TBC1D30: variants seen among roughly 807,000 people sequenced by gnomAD.
TBC1D30 encodes the protein TBC1 domain family member 30.
Under a neutral mutation model 63.2 loss-of-function variants are expected in TBC1D30, and 31 were observed. The observed-to-expected ratio is 0.49, with a 90% CI of 0.37 to 0.66. The LOEUF is 0.66. Ranked by LOEUF, TBC1D30 falls within the 30% of genes least tolerant of loss-of-function variation. The pLI, the probability that TBC1D30 is intolerant of heterozygous loss-of-function variation, is 0.00. For missense variants in TBC1D30, 810 were observed against 953.6 expected, an observed-to-expected ratio of 0.85 and a Z score of 1.98; for synonymous variants, 307 against 361.5, an observed-to-expected ratio of 0.85 and a Z score of 1.71.
chr12:64,790,533 T>C (rs1871857226), intron 2 of TBC1D30, among the ~76,000 whole-genome samples: 1 of 152,194 alleles, frequency 6.6e-6, no homozygotes, highest in Non-Finnish European at 1.5e-5. Flanking sequence ...TGATAAAATC[T>C]AGCTGTCACT....
In TBC1D30 at chr12:64,875,488, C is replaced by T. The variant is rs747056702; in HGVS notation, c.1986C>T (p.Asn662=). 87 of 1,536,030 alleles carry T rather than the reference C, an allele frequency of 5.7e-5. No homozygotes were observed. The African/African-American group carries it at 9.4e-4, about 17-fold the overall frequency. The stretch of plus-strand genomic sequence containing the variant: ...CGAAGTTGGGAGCCCTGGAACTGAA[C>T]CAGAGGGATGCTGCAGCTGAAACTG... ...VQAKLGALEL[N]QRDAAAETEL... The change falls in exon 12 of 12, where the codon AAC becomes AAT. Residue 662 remains asparagine, a synonymous_variant. Transcript: ENST00000539867.
chr12:64,875,912 C>A lies in TBC1D30; in HGVS notation c.*124C>A. 9.7e-7 allele frequency: 1 copy of A among 1,030,260 alleles called. No homozygotes were observed. The highest frequency in any genetic ancestry group is 1.3e-6 in the Non-Finnish European group (1 of 746,014). The allele number at this position is 1,030,260 out of a possible 1,614,324, so 63.8% of individuals were successfully genotyped here. Reference sequence around the variant, plus strand: ...GAATAGGTTCAGGGATGAGCAACAGCCCATAAAAAATGGGAACTGGAAGTT... The same window carrying A: ...GAATAGGTTCAGGGATGAGCAACAGACCATAAAAAATGGGAACTGGAAGTT... On this transcript the variant is annotated 3_prime_UTR_variant, in exon 12 of 12. Coordinates refer to ENST00000539867, the MANE Select transcript of TBC1D30 (RefSeq NM_015279.2).
chr12:64,804,819 G>T (rs1592567502), intron 2 of TBC1D30, among the ~76,000 whole-genome samples: 1 of 152,164 alleles, frequency 6.6e-6, no homozygotes, highest in Admixed American at 6.5e-5. Context: ...ACCCACAAAA[G>T]GTATACGGGG....
Position 64,843,401 on chromosome 12 carries a change from A to C in TBC1D30, c.954A>C (p.Thr318=). ...KLGEQIECCE[T]ADEFYSTMGR... is the part of the protein sequence containing the mutation. ...CTAGGCAGATAGAATGTTGTGAAAC[A>C]GCAGATGAATTCTACAGCACCATGG... The change falls in exon 8 of 12, where the codon ACA becomes ACC. Residue 318 remains threonine, a synonymous_variant. Coordinates refer to ENST00000539867, the MANE Select transcript of TBC1D30 (RefSeq NM_015279.2). 6.5e-7 allele frequency: 1 copy of C among 1,536,408 alleles called. No individual in the cohort carries two copies. Among genetic ancestry groups the C allele is most frequent in the Non-Finnish European group, 8.7e-7 (1 of 1,146,952 alleles).
Position 64,804,762 on chromosome 12 carries a change from A to G in TBC1D30, c.643+18717A>G, listed in dbSNP as rs567938422. ...TTGGGGCAGATCTCTTTTAGCCCAC[A>G]TTGGTGGCCTTCCCTGAGCATTTTC... On this transcript the variant is annotated intron_variant, in intron 2 of 12. Transcript: ENST00000542120. Among the ~76,000 whole-genome samples, 107 of 152,232 alleles carry G rather than the reference A, an allele frequency of 7.0e-4. 1 individual carries two copies. In the South Asian group the frequency reaches 0.021, roughly 30 times the overall value.
At chr12:64,793,887 GTC>G (rs1302013724) in intron 2 of TBC1D30, among the ~76,000 whole-genome samples, 1 of 152,110 alleles carries the variant, frequency 6.6e-6, no homozygotes, top group Non-Finnish European at 1.5e-5. Flanking sequence ...GGCTTTCTTT[GTC>G]TCTCTCCTGT....
chr12:64,778,523 G>A (rs2136285844), upstream of TBC1D30, among the ~76,000 whole-genome samples: 1 of 148,230 alleles, frequency 6.7e-6, no homozygotes, highest in East Asian at 2.0e-4. Flanking sequence ...CAAATAGGGT[G>A]GTTATGGAGT....
At chr12:64,831,500 G>A (rs1258144585) in intron 4 of TBC1D30, among the ~76,000 whole-genome samples, 2 of 152,122 alleles carry the variant, frequency 1.3e-5, no homozygotes, top group Non-Finnish European at 2.9e-5. Flanking sequence ...TGAATGCTGT[G>A]TCAGTTAATG....
chr12:64,824,632 G>T, upstream of TBC1D30: 1 of 398,666 alleles, frequency 2.5e-6, no homozygotes, highest in Non-Finnish European at 4.4e-6. Context: ...CCCGCCTCGA[G>T]CGATCTCCTG....
chr12:64,829,050 G>C (rs1041223963), intron 3 of TBC1D30, among the ~76,000 whole-genome samples: 2 of 152,106 alleles, frequency 1.3e-5, no homozygotes, highest in African/African-American at 2.4e-5. Flanking sequence ...GTGAACAAAG[G>C]GGGAAGCAAT....
chr12:64,873,559 G>C (rs1282971100), intron 11 of TBC1D30, among the ~76,000 whole-genome samples: 1 of 152,126 alleles, frequency 6.6e-6, no homozygotes, highest in African/African-American at 2.4e-5. Context: ...ACACATGAGG[G>C]GTTGTGAGGA....
At position 64,878,597 on chromosome 12, in the gene TBC1D30, C is replaced by T. The variant is rs1027602864; in HGVS notation, c.*2809C>T. On this transcript the variant is annotated 3_prime_UTR_variant, in exon 12 of 12. Coordinates refer to ENST00000539867, the MANE Select transcript of TBC1D30 (RefSeq NM_015279.2). ...TGTTGTTCTGAAGGATTGTATTGAT[C>T]ACAAAGCTATATGCATAAAGATTCT... is the stretch of plus-strand genomic sequence containing the variant. 22 of 455,426 alleles carry T rather than the reference C, an allele frequency of 4.8e-5. No homozygotes were observed. Among genetic ancestry groups the T allele is most frequent in the South Asian group, 3.3e-4 (21 of 64,438 alleles). 28.2% of individuals were successfully genotyped at this position (455,426 alleles called of 1,614,324 possible).
At chr12:64,866,988 G>A in intron 10 of TBC1D30, 85 bp downstream of exon 10, 2 of 1,432,614 alleles carry the variant, frequency 1.4e-6, no homozygotes, top group Non-Finnish European at 1.9e-6. Flanking sequence ...AGATGCCCCA[G>A]TAACTTTCTG....
chr12:64,796,752 T>G (rs1046686974), intron 2 of TBC1D30, among the ~76,000 whole-genome samples: 1 of 152,204 alleles, frequency 6.6e-6, no homozygotes, highest in African/African-American at 2.4e-5. Flanking sequence ...TATTCTGTGT[T>G]TACTATTTCC....
At chr12:64,859,180 T>A (rs1453683245) in intron 8 of TBC1D30, among the ~76,000 whole-genome samples, 1 of 151,968 alleles carries the variant, frequency 6.6e-6, no homozygotes, top group Non-Finnish European at 1.5e-5. Flanking sequence ...AGAGTCAATT[T>A]GTGTTTGAGA....
At position 64,765,612 on chromosome 12, in the gene TBC1D30, G is replaced by T. The variant is rs141836718; in HGVS notation, c.-376+5963G>T. On this transcript the variant is annotated intron_variant, in intron 1 of 13. Coordinates refer to the TBC1D30 transcript ENST00000674237. The stretch of plus-strand genomic sequence containing the variant: ...ACAGATAATAAATGACAGGGATGAA[G>T]AAGTTAATAGATTAATGTGTTAAAA... Among the ~76,000 whole-genome samples the T allele has an allele frequency of 3.1e-4, 46 of 149,216 alleles. No homozygotes were observed. In the East Asian group the frequency reaches 8.8e-3, roughly 28 times the overall value.
At chr12:64,795,575 C>G (rs928723656) in intron 2 of TBC1D30, among the ~76,000 whole-genome samples, 3 of 152,116 alleles carry the variant, frequency 2.0e-5, no homozygotes, top group African/African-American at 7.2e-5. Flanking sequence ...CTCTTGTGGA[C>G]TGTGTAGTAT....
At chr12:64,869,408 T>C (rs2136472033) in intron 10 of TBC1D30, among the ~76,000 whole-genome samples, 1 of 152,310 alleles carries the variant, frequency 6.6e-6, no homozygotes, top group Non-Finnish European at 1.5e-5. Flanking sequence ...CATACTGTTT[T>C]GTGAGTATGT....
intron 2 of TBC1D30, among the ~76,000 whole-genome samples, chr12:64,790,465 G>GTA (rs1871854563): frequency 6.6e-6 from 1 of 152,028 alleles, no homozygotes; most frequent in Non-Finnish European, 1.5e-5. Flanking sequence ...TCCTGCATTG[G>GTA]TATAGTAAAT....
Sources: gnomAD v4.1 joint callset for allele counts (sites outside exome capture counted in the v4.1 genomes callset) on GRCh38, gnomAD v4.1.1 for gene constraint, MANE v1.5 for transcripts, NCBI Gene and HGNC (gene_info 2026-07-23, HGNC 2026-07-21) for gene names.